TNIK: variants seen among roughly 807,000 people sequenced by gnomAD.
TNIK encodes TRAF2 and NCK interacting kinase, also known as TRAF2 and NCK-interacting protein kinase.
In TNIK, 49 loss-of-function variants were observed where a neutral mutation model predicts 191.3. That is an observed-to-expected ratio of 0.26 (90% CI 0.20 to 0.32). TNIK has a LOEUF of 0.32. TNIK is among the 10% of genes least tolerant of loss of function. TNIK has a pLI of 1.00. For synonymous variants in TNIK, 594 were observed against 600.9 expected (o/e 0.99, Z 0.17); for missense variants, 1,155 against 1,702.3 (o/e 0.68, Z 5.66).
At chr3:171,097,365 TAAC>T (rs2108433842) in intron 22 of TNIK, among the ~76,000 whole-genome samples, 1 of 152,290 alleles carries the variant, frequency 6.6e-6, no homozygotes, top group African/African-American at 2.4e-5. Context: ...GGTTACAGGT[TAAC>T]AAATTTGATA....
At chr3:171,252,160 T>C (rs2109086420) in intron 2 of TNIK, among the ~76,000 whole-genome samples, 1 of 152,254 alleles carries the variant, frequency 6.6e-6, no homozygotes, top group Non-Finnish European at 1.5e-5. Flanking sequence ...TCCCCTCCCC[T>C]ATAAATACAT....
chr3:171,227,034 T>G (rs557277129), intron 3 of TNIK, among the ~76,000 whole-genome samples: 5 of 152,296 alleles, frequency 3.3e-5, no homozygotes, highest in Non-Finnish European at 5.9e-5. Context: ...ACTTCTGGGC[T>G]GAATGGAAGA....
At chr3:171,143,950 A>G (rs1420425864) in intron 12 of TNIK, among the ~76,000 whole-genome samples, 1 of 152,246 alleles carries the variant, frequency 6.6e-6, no homozygotes, top group Non-Finnish European at 1.5e-5. Context: ...CCTGTTTGCC[A>G]TCTTAGAGAA....
chr3:171,185,160 G>C (rs1206101647), intron 7 of TNIK, among the ~76,000 whole-genome samples: 1 of 146,828 alleles, frequency 6.8e-6, no homozygotes, highest in Non-Finnish European at 1.5e-5. Flanking sequence ...AGTTTTTCCA[G>C]GTTCTTTATA....
chr3:171,138,888 C>T (rs1730395184), intron 14 of TNIK, among the ~76,000 whole-genome samples: 1 of 152,030 alleles, frequency 6.6e-6, no homozygotes, highest in Non-Finnish European at 1.5e-5. Flanking sequence ...CATCAGAATG[C>T]CATTAAATAA....
In TNIK at chr3:171,093,860, T is replaced by C; in HGVS notation, c.2700A>G (p.Glu900=). 1 of 1,613,840 alleles carries C rather than the reference T, an allele frequency of 6.2e-7. No individual in the cohort carries two copies. Among genetic ancestry groups the C allele is most frequent in the Non-Finnish European group, 8.5e-7 (1 of 1,179,776 alleles). Residue 900 remains glutamate (E), a synonymous_variant, in exon 23 of 33, where the codon GAA becomes GAG. Coordinates refer to ENST00000436636, the MANE Select transcript of TNIK (RefSeq NM_015028.4). ...TTACCTCTCTAATCATCAAGGTTCC[T>C]TCTCTTGAAATACTGCCGCTGAAAC... ...ADSFSGSISR[E]GTLMIRETSG... is the part of the protein sequence containing the mutation.
chr3:171,176,201 T>C (rs975809393), intron 8 of TNIK, among the ~76,000 whole-genome samples: 75 of 152,348 alleles, frequency 4.9e-4, no homozygotes, highest in African/African-American at 1.7e-3. Context: ...GGTTTAAGAC[T>C]GCAATATATT....
At chr3:171,087,724 G>A (rs571244689) in intron 23 of TNIK, among the ~76,000 whole-genome samples, 12 of 152,330 alleles carry the variant, frequency 7.9e-5, no homozygotes, top group Admixed American at 5.9e-4. Context: ...TTACGTTCCT[G>A]CATGAGGTAC....
intron 2 of TNIK, among the ~76,000 whole-genome samples, chr3:171,358,046 G>GTAGA (rs1714403006): frequency 6.6e-6 from 1 of 152,268 alleles, no homozygotes; most frequent in Non-Finnish European, 1.5e-5. Flanking sequence ...GCTCCATGAG[G>GTAGA]TAGATCCTAA....
chr3:171,162,854 T>C lies in TNIK; in HGVS notation c.950-1518A>G, dbSNP rs138680252. Among the ~76,000 whole-genome samples, 750 of 152,304 alleles carry C rather than the reference T, an allele frequency of 4.9e-3. 11 individuals carry two copies. Among genetic ancestry groups the C allele is most frequent in the African/African-American group, 0.017 (710 of 41,570 alleles). Reference sequence around the variant, plus strand: ...TCCAGAACTTTTCCAACTTAAAAAATAGTGCTCTTTCCAACATATTATATG... The same window carrying C: ...TCCAGAACTTTTCCAACTTAAAAAACAGTGCTCTTTCCAACATATTATATG... On this transcript the variant is annotated intron_variant, in intron 10 of 32. Transcript: ENST00000436636.
At chr3:171,415,870 A>G (rs1332509394) in intron 1 of TNIK, among the ~76,000 whole-genome samples, 1 of 148,810 alleles carries the variant, frequency 6.7e-6, no homozygotes, top group Non-Finnish European at 1.5e-5. Context: ...AATCCCAGCT[A>G]CTCGGGAAGC....
chr3:171,333,828 T>G (rs1008548688), intron 2 of TNIK, among the ~76,000 whole-genome samples: 1 of 152,222 alleles, frequency 6.6e-6, no homozygotes, highest in East Asian at 1.9e-4. Flanking sequence ...ACTCAGTTAC[T>G]CGACAGATAC....
intron 2 of TNIK, among the ~76,000 whole-genome samples, chr3:171,319,075 A>T (rs1295583060): frequency 6.6e-6 from 1 of 152,142 alleles, no homozygotes; most frequent in Non-Finnish European, 1.5e-5. Flanking sequence ...TTTACTTGGG[A>T]CGCTAAAATG....
chr3:171,091,463 C>G (rs748442806), intron 23 of TNIK, among the ~76,000 whole-genome samples: 5 of 152,100 alleles, frequency 3.3e-5, no homozygotes, highest in Non-Finnish European at 7.4e-5. Context: ...AGTCTCTCGG[C>G]CGGGCGTGGT....
chr3:171,170,256 A>G (rs571655947), intron 9 of TNIK, among the ~76,000 whole-genome samples: 1 of 152,356 alleles, frequency 6.6e-6, no homozygotes, highest in South Asian at 2.1e-4. Context: ...TACTAGTTCT[A>G]CTATCAGAGT....
At chr3:171,371,432 T>A (rs1388779685) in intron 1 of TNIK, among the ~76,000 whole-genome samples, 1 of 152,078 alleles carries the variant, frequency 6.6e-6, no homozygotes, top group Non-Finnish European at 1.5e-5. Context: ...AAGCACTTAG[T>A]CACTGAGAAA....
intron 1 of TNIK, among the ~76,000 whole-genome samples, chr3:171,399,128 T>C (rs1341548044): frequency 1.3e-5 from 2 of 152,214 alleles, no homozygotes; most frequent in Non-Finnish European, 2.9e-5. Flanking sequence ...TCAGAATTTC[T>C]CCAAAGCATG....
At chr3:171,070,121 AG>A (rs1044993897) in intron 29 of TNIK, among the ~76,000 whole-genome samples, 5 of 152,230 alleles carry the variant, frequency 3.3e-5, no homozygotes, top group Non-Finnish European at 7.3e-5. Flanking sequence ...GCAGAACAGG[AG>A]TACCACTTTG....
intron 1 of TNIK, among the ~76,000 whole-genome samples, chr3:171,459,204 G>C (rs959128281): frequency 6.6e-6 from 1 of 151,060 alleles, no homozygotes; most frequent in East Asian, 2.0e-4. Context: ...ACTGGCCACA[G>C]ACACGGGGAA....
Sources: allele counts gnomAD v4.1 joint callset (sites outside exome capture counted in the v4.1 genomes callset), GRCh38; gene constraint gnomAD v4.1.1; transcripts MANE v1.5; gene names NCBI Gene and HGNC (gene_info 2026-07-23, HGNC 2026-07-21).